Variants in MYT1L observed in about 807,000 individuals in gnomAD.
MYT1L encodes myelin transcription factor 1-like protein.
Under a neutral mutation model 126.7 loss-of-function variants are expected in MYT1L, and 12 were observed. That is an observed-to-expected ratio of 0.09 (90% confidence interval 0.06 to 0.15). MYT1L has a LOEUF of 0.15. MYT1L is among the 10% of genes least tolerant of loss of function. MYT1L has a pLI of 1.00. For missense variants in MYT1L, 979 were observed against 1,585.2 expected (o/e 0.62, Z 6.49); for synonymous variants, 541 against 604.2 (o/e 0.90, Z 1.53).
intron 19 of MYT1L, among the ~76,000 whole-genome samples, chr2:1,845,558 C>T (rs1369934138): frequency 1.3e-5 from 2 of 152,128 alleles, no homozygotes; most frequent in Non-Finnish European, 2.9e-5. Context: ...CCTCCCACTC[C>T]TGGCCCTGCT....
At chr2:2,119,533 A>G (rs898850838) in intron 3 of MYT1L, among the ~76,000 whole-genome samples, 1 of 152,210 alleles carries the variant, frequency 6.6e-6, no homozygotes, top group Non-Finnish European at 1.5e-5. Context: ...TTAAATGATC[A>G]TATTTCCATT....
At chr2:2,204,666 A>G (rs1194703363) in intron 2 of MYT1L, among the ~76,000 whole-genome samples, 83 of 151,338 alleles carry the variant, frequency 5.5e-4, no homozygotes, top group African/African-American at 2.0e-3. Context: ...TGTTGGTGGG[A>G]CTGTCAACTA....
chr2:1,838,076 G>T (rs2041153593), intron 21 of MYT1L, among the ~76,000 whole-genome samples: 1 of 152,106 alleles, frequency 6.6e-6, no homozygotes, highest in East Asian at 1.9e-4. Context: ...ACCACGCCCA[G>T]CTAATTTTTG....
chr2:1,964,545 C>T (rs1045014519), intron 8 of MYT1L, among the ~76,000 whole-genome samples: 1 of 152,064 alleles, frequency 6.6e-6, no homozygotes, highest in African/African-American at 2.4e-5. Context: ...TCTAAGAAAA[C>T]GCCTCCAAAA....
chr2:1,870,288 G>T (rs2046117452), intron 18 of MYT1L, among the ~76,000 whole-genome samples: 1 of 152,206 alleles, frequency 6.6e-6, no homozygotes, highest in Admixed American at 6.5e-5. Context: ...TGAAGGCTCA[G>T]TCCAGGACTT....
intron 4 of MYT1L, among the ~76,000 whole-genome samples, chr2:2,003,696 T>G (rs536768643): frequency 5.3e-5 from 8 of 152,160 alleles, no homozygotes; most frequent in African/African-American, 1.9e-4. Flanking sequence ...AGCACCCTGG[T>G]GTGGGGCCCA....
At chr2:1,955,332 T>C (rs1002172496) in intron 8 of MYT1L, among the ~76,000 whole-genome samples, 1 of 152,190 alleles carries the variant, frequency 6.6e-6, no homozygotes, top group African/African-American at 2.4e-5. Context: ...ACTTGAATGA[T>C]TAGATATCTC....
chr2:1,964,966 T>C (rs927893714), intron 8 of MYT1L, among the ~76,000 whole-genome samples: 4 of 152,226 alleles, frequency 2.6e-5, no homozygotes, highest in African/African-American at 9.6e-5. Flanking sequence ...CTCACTGTTC[T>C]AGGAGAGCCA....
intron 18 of MYT1L, among the ~76,000 whole-genome samples, chr2:1,858,648 T>A (rs1186006891): frequency 1.3e-5 from 2 of 152,198 alleles, no homozygotes; most frequent in African/African-American, 2.4e-5. Flanking sequence ...CTATCCTGTA[T>A]CACTTCTGGC....
In MYT1L at chr2:2,194,995, C is replaced by T. The variant is rs73913249; in HGVS notation, c.-420-22007G>A. On this transcript the variant is annotated intron_variant, in intron 2 of 24. Coordinates refer to ENST00000647738, the MANE Select transcript of MYT1L (RefSeq NM_001303052.2). ...AGAGAAAGAAGTGGCTCTGCTTTTG[C>T]AAAGACAAACAATCTTGTTTCAGAA... Among the ~76,000 whole-genome samples, 1,497 of 152,270 alleles carry T rather than the reference C, an allele frequency of 9.8e-3. 21 individuals carry two copies. The highest frequency in any genetic ancestry group is 0.03 in the African/African-American group (1,258 of 41,542).
chr2:2,172,497 T>C (rs777848155), intron 3 of MYT1L, among the ~76,000 whole-genome samples: 11 of 152,232 alleles, frequency 7.2e-5, no homozygotes, highest in Non-Finnish European at 1.0e-4. Context: ...ATGCAACTTT[T>C]AACTGCCTCC....
intron 8 of MYT1L, among the ~76,000 whole-genome samples, chr2:1,974,222 T>C (rs1463000550): frequency 1.3e-5 from 2 of 152,156 alleles, no homozygotes; most frequent in East Asian, 3.9e-4. Context: ...GCTTGGTGGC[T>C]GGACACCAGG....
At chr2:1,914,918 T>C (rs2052603019) in intron 11 of MYT1L, among the ~76,000 whole-genome samples, 1 of 152,222 alleles carries the variant, frequency 6.6e-6, no homozygotes, top group Non-Finnish European at 1.5e-5. Flanking sequence ...TCCTCGCCTC[T>C]CACACAGGAC....
At chr2:1,803,230 C>T (rs756867360) in intron 22 of MYT1L, among the ~76,000 whole-genome samples, 10 of 152,148 alleles carry the variant, frequency 6.6e-5, no homozygotes, top group African/African-American at 1.4e-4. Context: ...TATGAACGAA[C>T]GTATCATTTC....
intron 4 of MYT1L, among the ~76,000 whole-genome samples, chr2:1,999,988 G>A (rs1406622617): frequency 6.6e-6 from 1 of 152,222 alleles, no homozygotes; most frequent in Admixed American, 6.5e-5. Context: ...ATAACCTTAT[G>A]CTAGACAATG....
intron 3 of MYT1L, among the ~76,000 whole-genome samples, 183 bp from the exon 4 acceptor site, chr2:2,054,306 G>A (rs2069202935): frequency 6.6e-6 from 1 of 152,098 alleles, no homozygotes; most frequent in Non-Finnish European, 1.5e-5. Context: ...TGGGGATGAT[G>A]ACACAAATGG....
chr2:1,831,200 C>CTGAGGA (rs1369767889), intron 21 of MYT1L, among the ~76,000 whole-genome samples: 6 of 150,214 alleles, frequency 4.0e-5, no homozygotes, highest in African/African-American at 1.5e-4. Flanking sequence ...GAGCTCTGCT[C>CTGAGGA]CGAGGACCCC....
intron 1 of MYT1L, among the ~76,000 whole-genome samples, chr2:2,291,686 G>A (rs1443396319): frequency 6.6e-6 from 1 of 152,216 alleles, no homozygotes; most frequent in African/African-American, 2.4e-5. Flanking sequence ...CACCGCGTAC[G>A]CTGGGTGCGG....
rs1218438806 is a variant in MYT1L, at chr2:1,917,269, A to C, written c.1554T>G (p.Thr518=). 1 of 1,613,542 alleles carries C rather than the reference A, an allele frequency of 6.2e-7. No homozygotes were observed. The highest frequency in any genetic ancestry group is 1.3e-5 in the African/African-American group (1 of 75,026). ...TPGCDGTGHV[T]GLYPHHRSLS... ...GGCTGCGGTGATGTGGGTACAGCCCAGTTACGTGGCCGGTTCCATCACACC... is the reference window on the plus strand; with the variant it reads ...GGCTGCGGTGATGTGGGTACAGCCCCGTTACGTGGCCGGTTCCATCACACC... The change falls in exon 11 of 25, where the codon ACT becomes ACG. Residue 518 remains threonine (T), a synonymous_variant. Transcript: ENST00000647738. This position sits in a 1 kb window ranked among gnomAD's most constrained non-coding sequence, Gnocchi z 5.9.
Sources: allele counts gnomAD v4.1 joint callset (sites outside exome capture counted in the v4.1 genomes callset), GRCh38; gene constraint gnomAD v4.1.1; non-coding constraint Gnocchi (gnomAD v3.1); transcripts MANE v1.5; gene names NCBI Gene and HGNC (gene_info 2026-07-23, HGNC 2026-07-21).